PAPSS2: variants seen among roughly 807,000 people sequenced by gnomAD.
PAPSS2 encodes bifunctional 3'-phosphoadenosine 5'-phosphosulfate synthase 2.
In PAPSS2, 61 loss-of-function variants were observed where a neutral mutation model predicts 66.5. The observed-to-expected ratio is 0.92, with a 90% CI of 0.75 to 1.14. PAPSS2 has a LOEUF of 1.14. PAPSS2 is among the 50% of genes most tolerant of loss of function. The pLI, the probability that PAPSS2 is intolerant of heterozygous loss-of-function variation, is 0.00. For synonymous variants in PAPSS2, 289 were observed against 287.5 expected (o/e 1.01, Z -0.05); for missense variants, 708 against 789.6 (o/e 0.90, Z 1.24).
At chr10:87,712,346 T>C (rs970262610) in intron 2 of PAPSS2, among the ~76,000 whole-genome samples, 2 of 152,224 alleles carry the variant, frequency 1.3e-5, no homozygotes, top group Admixed American at 6.5e-5. Context: ...GGGCTGGCTG[T>C]TTCCCTCCAT....
At chr10:87,705,915 G>A (rs1183151563) in intron 1 of PAPSS2, among the ~76,000 whole-genome samples, 2 of 150,564 alleles carry the variant, frequency 1.3e-5, no homozygotes, top group African/African-American at 4.9e-5. Flanking sequence ...TGTATTTTTA[G>A]TAGTGATGGG....
intron 1 of PAPSS2, among the ~76,000 whole-genome samples, chr10:87,705,175 T>C (rs1287236614): frequency 6.6e-6 from 1 of 152,224 alleles, no homozygotes; most frequent in Non-Finnish European, 1.5e-5. Flanking sequence ...GAATCATATA[T>C]AATGTGTAGT....
Position 87,741,255 on chromosome 10 carries a change from C to T in PAPSS2, c.1107C>T (p.Asp369=), listed in dbSNP as rs771350788. 6.8e-6 allele frequency: 11 copies of T among 1,613,702 alleles called. No homozygotes were observed. Among genetic ancestry groups the T allele is most frequent in the Non-Finnish European group, 9.3e-6 (11 of 1,179,640 alleles). Residue 369 remains aspartate (D), a synonymous_variant, in exon 10 of 13, where the codon GAC becomes GAT. Coordinates refer to ENST00000456849, the MANE Select transcript of PAPSS2 (RefSeq NM_001015880.2). ...PHIKMVMESG[D]WLVGGDLQVL... is the part of the protein sequence containing the mutation. ...TCTAGATGGTGATGGAAAGTGGGGA[C>T]TGGCTGGTTGGTGGAGACCTTCAGG...
intron 1 of PAPSS2, among the ~76,000 whole-genome samples, chr10:87,673,157 C>T (rs769957820): frequency 1.1e-4 from 16 of 152,214 alleles, no homozygotes; most frequent in Non-Finnish European, 2.2e-4. Context: ...GAGCTGAGTA[C>T]TAGCTGTACT....
chr10:87,668,868 G>A (rs1428326415), intron 1 of PAPSS2, among the ~76,000 whole-genome samples: 2 of 152,084 alleles, frequency 1.3e-5, no homozygotes, highest in African/African-American at 4.8e-5. Flanking sequence ...CCTACCACAC[G>A]CTTACCACTT....
intron 7 of PAPSS2, among the ~76,000 whole-genome samples, chr10:87,718,612 A>G (rs1227023771): frequency 6.6e-6 from 1 of 152,202 alleles, no homozygotes; most frequent in Non-Finnish European, 1.5e-5. Flanking sequence ...GGCCCCAGCC[A>G]TGTGCCACTT....
Position 87,746,916 on chromosome 10 carries a change from A to G in PAPSS2, c.*946A>G, listed in dbSNP as rs919744561. The G allele has an allele frequency of 6.6e-6, 1 of 152,348 alleles. No individual in the cohort carries two copies. The highest frequency in any genetic ancestry group is 1.5e-5 in the Non-Finnish European group (1 of 68,024). 9.4% of individuals were successfully genotyped at this position (152,348 alleles called of 1,614,324 possible). On this transcript the variant is annotated 3_prime_UTR_variant, in exon 13 of 13. Transcript: ENST00000456849. ...TCATCTTACAGGTGAACAAACTGTG[A>G]TGATGCACATGTATGTGTTTTGTAA...
chr10:87,694,107 C>T (rs75965305), intron 1 of PAPSS2, among the ~76,000 whole-genome samples: 2,513 of 152,326 alleles, frequency 0.016, 84 homozygotes, highest in African/African-American at 0.057. Context: ...CATCTCTTTT[C>T]ATCCTTGCAA....
At chr10:87,738,610 A>G (rs1013893268) in intron 9 of PAPSS2, among the ~76,000 whole-genome samples, 1 of 152,258 alleles carries the variant, frequency 6.6e-6, no homozygotes, top group Admixed American at 6.5e-5. Flanking sequence ...GGGTTTTACC[A>G]TGTTGCCCAG....
At chr10:87,663,190 C>T (rs1464895513) in intron 1 of PAPSS2, among the ~76,000 whole-genome samples, 10 of 144,970 alleles carry the variant, frequency 6.9e-5, no homozygotes, top group African/African-American at 2.3e-4. Context: ...CGTCTCACTG[C>T]AACCTCCGCC....
chr10:87,702,961 G>A (rs935276124), intron 1 of PAPSS2, among the ~76,000 whole-genome samples: 1 of 152,080 alleles, frequency 6.6e-6, no homozygotes, highest in Non-Finnish European at 1.5e-5. Context: ...TCCCTGTCAC[G>A]ACCCTCGGCA....
In PAPSS2 at chr10:87,709,261, G is replaced by C. The variant is rs774597753; in HGVS notation, c.93G>C (p.Gly31=). Residue 31 remains glycine (G), a synonymous_variant, in exon 2 of 13, where the codon GGG becomes GGC. Coordinates refer to ENST00000456849, the MANE Select transcript of PAPSS2 (RefSeq NM_001015880.2). ...ACCATGTGAGCAGGAATAAGAGAGGGCAAGTGGTTGGAACAAGGGGTGGGT... is the reference window on the plus strand; with the variant it reads ...ACCATGTGAGCAGGAATAAGAGAGGCCAAGTGGTTGGAACAAGGGGTGGGT... The part of the protein sequence containing the change: ...QAHHVSRNKR[G]QVVGTRGGFR... The C allele has an allele frequency of 6.2e-7, 1 of 1,613,468 alleles. No individual in the cohort carries two copies. The highest frequency in any genetic ancestry group is 1.3e-5 in the African/African-American group (1 of 74,898).
At chr10:87,667,992 G>A (rs567244433) in intron 1 of PAPSS2, among the ~76,000 whole-genome samples, 3 of 152,090 alleles carry the variant, frequency 2.0e-5, no homozygotes, top group Non-Finnish European at 4.4e-5. Context: ...ACAATTTTAT[G>A]TTGGGTGTGT....
intron 7 of PAPSS2, among the ~76,000 whole-genome samples, chr10:87,720,005 C>T (rs1193860849): frequency 6.6e-6 from 1 of 152,136 alleles, no homozygotes; most frequent in Non-Finnish European, 1.5e-5. Context: ...TCTGCCTCAG[C>T]CTACCAAGTA....
At position 87,746,117 on chromosome 10, in the gene PAPSS2, A is replaced by G; in HGVS notation, c.*147A>G. On this transcript the variant is annotated 3_prime_UTR_variant, in exon 13 of 13. Coordinates refer to ENST00000456849, the MANE Select transcript of PAPSS2 (RefSeq NM_001015880.2). The stretch of plus-strand genomic sequence containing the variant: ...AAGTTGTGTCTATAATTAAAAAAAA[A>G]TATATATATATACACACACACATAT... 1 of 555,152 alleles carries G rather than the reference A, an allele frequency of 1.8e-6. No homozygotes were observed. The highest frequency in any genetic ancestry group is 2.2e-5 in the South Asian group (1 of 44,698). The allele number at this position is 555,152 out of a possible 1,614,324, so 34.4% of individuals were successfully genotyped here.
intron 1 of PAPSS2, among the ~76,000 whole-genome samples, chr10:87,667,308 G>A (rs1852826430): frequency 6.6e-6 from 1 of 152,056 alleles, no homozygotes; most frequent in Admixed American, 6.6e-5. Flanking sequence ...CAAAAAATTA[G>A]CCAAGTGTGG....
chr10:87,696,680 A>G (rs958887239), intron 1 of PAPSS2, among the ~76,000 whole-genome samples: 3 of 152,242 alleles, frequency 2.0e-5, no homozygotes, highest in African/African-American at 4.8e-5. Context: ...CCCTTAAATT[A>G]AAAGTAAAAT....
At chr10:87,669,661 A>C (rs951796132) in intron 1 of PAPSS2, among the ~76,000 whole-genome samples, 1 of 152,046 alleles carries the variant, frequency 6.6e-6, no homozygotes, top group Non-Finnish European at 1.5e-5. Flanking sequence ...GAAAATTCCT[A>C]CTCTGTTGTA....
chr10:87,715,026 C>G lies in PAPSS2; in HGVS notation c.681C>G (p.Leu227=), dbSNP rs747349484. 9.3e-6 allele frequency: 15 copies of G among 1,613,374 alleles called. No homozygotes were observed. Among genetic ancestry groups the G allele is most frequent in the Non-Finnish European group, 1.3e-5 (15 of 1,179,438 alleles). ...CTATAATCAAAGATATCCACGAACT[C>G]TTTGTGCCGGAAAACAAACTTGACC... is the stretch of plus-strand genomic sequence containing the variant. ...PYTIIKDIHE[L]FVPENKLDHV... Residue 227 remains leucine (L), a synonymous_variant, in exon 6 of 13, where the codon CTC becomes CTG. Transcript: ENST00000456849.
Sources: allele counts gnomAD v4.1 joint callset (sites outside exome capture counted in the v4.1 genomes callset), GRCh38; gene constraint gnomAD v4.1.1; transcripts MANE v1.5; gene names NCBI Gene and HGNC (gene_info 2026-07-23, HGNC 2026-07-21).